Variants in RNF111 observed in about 807,000 individuals in gnomAD.
RNF111 encodes the protein ring finger protein 111.
In RNF111, 17 loss-of-function variants were observed where a neutral mutation model predicts 95.1. The ratio of observed to expected loss-of-function variants is 0.18; its 90% CI spans 0.12 to 0.27. The LOEUF (loss-of-function observed/expected upper bound fraction) is 0.27, where lower values mean the gene tolerates loss of function less well. RNF111 is among the 10% of genes least tolerant of loss of function. The probability of loss-of-function intolerance (pLI) is 1.00; values close to 1 mark genes in which losing one functional copy is unlikely to be tolerated. For missense variants in RNF111, 1,189 were observed against 1,210.4 expected (o/e 0.98, Z 0.26); for synonymous variants, 440 against 414.8 (o/e 1.06, Z -0.74).
rs74017350 is a variant in RNF111, at chr15:59,077,002, G to A, written c.1948+787G>A. On this transcript the variant is annotated intron_variant, in intron 7 of 13. Transcript: ENST00000348370. The stretch of plus-strand genomic sequence containing the variant: ...CCAGTCATTTAAAAAAATCTGCATC[G>A]TGCAGACGCAGCTGGAATCAACCCA... Among the ~76,000 whole-genome samples, 1,371 of 152,220 alleles carry A rather than the reference G, an allele frequency of 9.0e-3. 15 individuals are homozygous for A. The highest frequency in any genetic ancestry group is 0.03 in the African/African-American group (1,266 of 41,520).
intron 10 of RNF111, among the ~76,000 whole-genome samples, chr15:59,087,388 G>T (rs2078929265): frequency 2.0e-5 from 3 of 152,172 alleles, no homozygotes. Flanking sequence ...CAATGCAGAG[G>T]TTAGGGGTGT....
At chr15:59,020,189 A>G (rs1381523237) in intron 1 of RNF111, among the ~76,000 whole-genome samples, 2 of 149,166 alleles carry the variant, frequency 1.3e-5, no homozygotes, top group African/African-American at 2.4e-5. Flanking sequence ...AATATACTAT[A>G]TATTTTGTAA....
At chr15:59,055,317 A>G (rs1469795842) in intron 3 of RNF111, among the ~76,000 whole-genome samples, 1 of 152,206 alleles carries the variant, frequency 6.6e-6, no homozygotes, top group Non-Finnish European at 1.5e-5. Context: ...CCTTGTGGAT[A>G]TTATTAAATG....
chr15:59,058,322 T>C, intron 4 of RNF111, 34 bp from the exon 5 acceptor site: 1 of 1,566,760 alleles, frequency 6.4e-7, no homozygotes, highest in Non-Finnish European at 8.8e-7. Flanking sequence ...CTAATTTGTT[T>C]TGAAATGCTA....
chr15:59,094,949 G>A lies in RNF111; in HGVS notation c.*49G>A, dbSNP rs762038159. 9.1e-6 allele frequency: 10 copies of A among 1,095,270 alleles called. No individual in the cohort carries two copies. The highest frequency in any genetic ancestry group is 2.4e-5 in the East Asian group (1 of 42,418). The allele number at this position is 1,095,270 out of a possible 1,614,324, so 67.8% of individuals were successfully genotyped here. A position where few individuals can be genotyped will look rare whatever the true frequency, so the allele number is the denominator to read the frequency against. ...CTCCCTCTCATTCCCATCCTTCCTG[G>A]TACTGCAGTCAACCAAAGATGGCAT... On this transcript the variant is annotated 3_prime_UTR_variant, in exon 14 of 14. Transcript: ENST00000348370.
intron 5 of RNF111, among the ~76,000 whole-genome samples, chr15:59,065,872 G>A (rs1415710912): frequency 1.3e-5 from 2 of 152,130 alleles, no homozygotes; most frequent in African/African-American, 2.4e-5. Flanking sequence ...TTAGCCAGGC[G>A]TGGTGGTGTG....
intron 5 of RNF111, among the ~76,000 whole-genome samples, chr15:59,061,470 G>C (rs942493266): frequency 6.6e-6 from 1 of 152,106 alleles, no homozygotes; most frequent in African/African-American, 2.4e-5. Flanking sequence ...TCCTCTAAGT[G>C]CCTATTTCAA....
chr15:59,021,927 C>T (rs1270713830), intron 1 of RNF111, among the ~76,000 whole-genome samples: 2 of 152,000 alleles, frequency 1.3e-5, no homozygotes, highest in Non-Finnish European at 2.9e-5. Context: ...GTGACGTGAC[C>T]TCACCTCACT....
intron 5 of RNF111, 195 bp downstream of exon 5, chr15:59,058,745 AC>A: frequency 1.8e-6 from 1 of 566,102 alleles, no homozygotes; most frequent in Non-Finnish European, 3.1e-6. Flanking sequence ...GCTATATGTA[AC>A]CAGAGTATTA....
At position 59,031,467 on chromosome 15, in the gene RNF111, A is replaced by G; in HGVS notation, c.645A>G (p.Arg215=). 6.2e-7 allele frequency: 1 copy of G among 1,614,232 alleles called. No individual in the cohort carries two copies. The highest frequency in any genetic ancestry group is 8.5e-7 in the Non-Finnish European group (1 of 1,180,046). Reference sequence around the variant, plus strand: ...TACGGAGACTTCCATGCAGAAAGAGATTTGTAAAAAATAATTCCTCACAGA... The same window carrying G: ...TACGGAGACTTCCATGCAGAAAGAGGTTTGTAAAAAATAATTCCTCACAGA... ...SSLRRLPCRK[R]FVKNNSSQRT... is the part of the protein sequence containing the mutation. Residue 215 remains arginine, a synonymous_variant, in exon 2 of 14, where the codon AGA becomes AGG. Coordinates refer to ENST00000348370, the MANE Select transcript of RNF111 (RefSeq NM_017610.8).
intron 6 of RNF111, 61 bp downstream of exon 6, chr15:59,067,144 T>C: frequency 7.6e-7 from 1 of 1,317,836 alleles, no homozygotes; most frequent in Non-Finnish European, 1.1e-6. Flanking sequence ...TCTCTCTCCT[T>C]CTCCCTTTTC....
chr15:59,051,824 A>G (rs902565740), intron 2 of RNF111, among the ~76,000 whole-genome samples: 2 of 152,024 alleles, frequency 1.3e-5, no homozygotes, highest in African/African-American at 2.4e-5. Flanking sequence ...TAAACAAATG[A>G]CAAATTTCAT....
At chr15:59,018,583 T>C (rs1020244176) in intron 1 of RNF111, among the ~76,000 whole-genome samples, 1 of 152,186 alleles carries the variant, frequency 6.6e-6, no homozygotes, top group African/African-American at 2.4e-5. Flanking sequence ...CAGAAACTTA[T>C]AAAGGGTAAA....
intron 1 of RNF111, among the ~76,000 whole-genome samples, chr15:59,006,869 C>G (rs2039563816): frequency 1.3e-5 from 2 of 152,166 alleles, no homozygotes; most frequent in South Asian, 4.1e-4. Context: ...TCACTGCAAC[C>G]TCCGCCTCCC....
At chr15:59,083,138 C>G (rs1046426639) in intron 8 of RNF111, among the ~76,000 whole-genome samples, 1 of 128,642 alleles carries the variant, frequency 7.8e-6, no homozygotes, top group Admixed American at 7.9e-5. Context: ...CAAGATTCTG[C>G]CGCTTAAAAA....
Position 59,084,179 on chromosome 15 carries a change from A to T in RNF111, c.2348A>T (p.Tyr783Phe), listed in dbSNP as rs764992385. Residue 783 changes from tyrosine (Y) to phenylalanine (F), a missense_variant, in exon 9 of 14, where the codon TAT becomes TTT. Physicochemically the swap from Tyr to Phe is conservative, Grantham distance 22. This residue lies in a region of RNF111 where 165 missense variants were observed against 284.6 expected (regional missense o/e 0.58). Transcript: ENST00000348370. ...PPHPHRMHPNYGHGHHIHVPQ... is the reference protein window; with the variant it reads ...PPHPHRMHPNFGHGHHIHVPQ... Reference sequence around the variant, plus strand: ...CATCCACATAGGATGCACCCAAACTATGGTCATGGGCATCATATTCATGTG... The same window carrying T: ...CATCCACATAGGATGCACCCAAACTTTGGTCATGGGCATCATATTCATGTG... The T allele has an allele frequency of 1.9e-6, 3 of 1,605,010 alleles. No individual in the cohort carries two copies. The highest frequency in any genetic ancestry group is 2.6e-6 in the Non-Finnish European group (3 of 1,175,944).
intron 7 of RNF111, among the ~76,000 whole-genome samples, chr15:59,077,470 A>G (rs2078599657): frequency 1.3e-5 from 2 of 152,182 alleles, no homozygotes; most frequent in South Asian, 4.1e-4. Context: ...ACTTTTAGAA[A>G]TTTTCTTTGT....
chr15:58,990,003 A>T (rs1020416180), intron 1 of RNF111, among the ~76,000 whole-genome samples: 3 of 152,152 alleles, frequency 2.0e-5, no homozygotes, highest in Non-Finnish European at 2.9e-5. Flanking sequence ...AAAAGAGACC[A>T]TCTGAAAAAT....
intron 2 of RNF111, among the ~76,000 whole-genome samples, chr15:59,032,374 C>T (rs2040954424): frequency 6.6e-6 from 1 of 152,082 alleles, no homozygotes; most frequent in African/African-American, 2.4e-5. Context: ...ATGATGGATT[C>T]AGCCATAGTA....
Sources: gnomAD v4.1 joint callset for allele counts (sites outside exome capture counted in the v4.1 genomes callset) on GRCh38, gnomAD v4.1.1 for gene constraint, gnomAD v4.1.1 regional missense constraint, MANE v1.5 for transcripts, NCBI Gene and HGNC (gene_info 2026-07-23, HGNC 2026-07-21) for gene names.